Variants in LUZP2 observed in about 807,000 individuals in gnomAD.
LUZP2 encodes leucine zipper protein 2.
LUZP2 carries 52 observed loss-of-function variants against 51.6 expected under a neutral mutation model. The observed-to-expected ratio is 1.01, with a 90% CI of 0.81 to 1.27. The LOEUF (loss-of-function observed/expected upper bound fraction) is 1.27. Ranked by LOEUF, LUZP2 falls within the 50% of genes most tolerant of loss-of-function variation. The probability of loss-of-function intolerance (pLI) is 0.00; values close to 1 mark genes in which losing one functional copy is unlikely to be tolerated. For missense variants in LUZP2, 436 were observed against 395.4 expected, an observed-to-expected ratio of 1.10 and a Z score of -0.87; for synonymous variants, 154 against 137.3, an observed-to-expected ratio of 1.12 and a Z score of -0.85.
chr11:24,917,455 T>C (rs1853829187), intron 7 of LUZP2, among the ~76,000 whole-genome samples: 1 of 152,214 alleles, frequency 6.6e-6, no homozygotes, highest in African/African-American at 2.4e-5. Context: ...TTCTAGGATT[T>C]TTATGGTTTT....
chr11:24,544,086 A>C (rs930562667), intron 1 of LUZP2, among the ~76,000 whole-genome samples: 2 of 151,918 alleles, frequency 1.3e-5, no homozygotes, highest in African/African-American at 2.4e-5. Flanking sequence ...TGCCTTTAAA[A>C]TATCATTCCA....
chr11:24,573,967 G>A (rs61877886), intron 1 of LUZP2, among the ~76,000 whole-genome samples: 87,668 of 151,206 alleles, frequency 0.58, 26,102 homozygotes, highest in East Asian at 0.8. Context: ...CCATGTTGGT[G>A]TGCTGCACCC....
rs551899253 is a variant in LUZP2 at position 24,891,568 on chromosome 11, T to A, written c.397-14423T>A. On this transcript the variant is annotated intron_variant, in intron 5 of 11. Coordinates refer to ENST00000336930, the MANE Select transcript of LUZP2 (RefSeq NM_001009909.4). ...AAGAAAAGAAAGTTCACATATGTTG[T>A]TGATTGAAGAAAAAGAAGTTCCAGA... is the stretch of plus-strand genomic sequence containing the variant. 1.6e-4 allele frequency: 147 copies of A among 910,614 alleles called. No individual in the cohort carries two copies. In the African/African-American group the frequency reaches 2.2e-3, roughly 14 times the overall value. The allele number at this position is 910,614 out of a possible 1,614,324, so 56.4% of individuals were successfully genotyped here.
intron 6 of LUZP2, among the ~76,000 whole-genome samples, chr11:24,912,383 G>T (rs1009482009): frequency 5.9e-5 from 9 of 151,850 alleles, no homozygotes; most frequent in African/African-American, 2.2e-4. Flanking sequence ...ACCTTGTAGT[G>T]GTGCATCATT....
chr11:24,614,340 T>A (rs1212196792), intron 1 of LUZP2, among the ~76,000 whole-genome samples: 2 of 152,002 alleles, frequency 1.3e-5, no homozygotes, highest in Admixed American at 1.3e-4. Flanking sequence ...TATAACCATC[T>A]TTTTCTGAAC....
chr11:24,716,580 A>G (rs1413425533), intron 1 of LUZP2, among the ~76,000 whole-genome samples: 1 of 152,150 alleles, frequency 6.6e-6, no homozygotes, highest in African/African-American at 2.4e-5. Context: ...CAAACAAGGA[A>G]AGTGTAAACA....
chr11:24,653,221 G>A (rs1855688466), intron 1 of LUZP2, among the ~76,000 whole-genome samples: 1 of 152,196 alleles, frequency 6.6e-6, no homozygotes, highest in Admixed American at 6.5e-5. Context: ...CATGGTGGTA[G>A]CAGGGGATAT....
At chr11:24,778,608 A>C in intron 5 of LUZP2, among the ~76,000 whole-genome samples, 1 of 152,164 alleles carries the variant, frequency 6.6e-6, no homozygotes, top group East Asian at 1.9e-4. Flanking sequence ...AAGAAAGGAT[A>C]AAAGCATGTA....
intron 5 of LUZP2, among the ~76,000 whole-genome samples, chr11:24,875,746 A>G (rs891767050): frequency 6.6e-6 from 1 of 152,084 alleles, no homozygotes; most frequent in African/African-American, 2.4e-5. Flanking sequence ...CTATTTCTCC[A>G]AATCCTCTCC....
intron 1 of LUZP2, among the ~76,000 whole-genome samples, chr11:24,568,690 G>T (rs549389620): frequency 6.6e-6 from 1 of 151,806 alleles, no homozygotes. Context: ...TTACAAATAG[G>T]TTTTATTCTA....
At chr11:24,753,266 A>G (rs982717110) in intron 4 of LUZP2, among the ~76,000 whole-genome samples, 1 of 152,198 alleles carries the variant, frequency 6.6e-6, no homozygotes, top group Non-Finnish European at 1.5e-5. Context: ...ATACAGAGGA[A>G]GAGATGACTA....
At chr11:24,705,049 A>T (rs897117263) in intron 1 of LUZP2, among the ~76,000 whole-genome samples, 1 of 152,142 alleles carries the variant, frequency 6.6e-6, no homozygotes, top group Admixed American at 6.6e-5. Flanking sequence ...AAAAGCTCTC[A>T]GTATACATCC....
At chr11:24,857,563 CTT>C (rs200241186) in intron 5 of LUZP2, among the ~76,000 whole-genome samples, 15 of 145,844 alleles carry the variant, frequency 1.0e-4, no homozygotes, top group African/African-American at 2.3e-4. Flanking sequence ...CAAAATAGGT[CTT>C]TTTTTTTTTT....
intron 1 of LUZP2, among the ~76,000 whole-genome samples, chr11:24,669,186 T>G (rs1856318116): frequency 1.3e-5 from 2 of 152,140 alleles, no homozygotes; most frequent in South Asian, 4.1e-4. Context: ...TCAGTAAAAT[T>G]AGAAAATTAG....
At chr11:25,016,836 T>A (rs976932493) in intron 9 of LUZP2, among the ~76,000 whole-genome samples, 1 of 152,172 alleles carries the variant, frequency 6.6e-6, no homozygotes, top group Non-Finnish European at 1.5e-5. Flanking sequence ...TTTTAGTTTT[T>A]TGAGAAATCG....
chr11:24,587,419 G>A (rs990897497), intron 1 of LUZP2, among the ~76,000 whole-genome samples: 2 of 152,092 alleles, frequency 1.3e-5, no homozygotes, highest in South Asian at 2.1e-4. Flanking sequence ...AGATGGGGGA[G>A]GGGTCAAGAA....
At chr11:24,841,761 G>C (rs116376319) in intron 5 of LUZP2, among the ~76,000 whole-genome samples, 1 of 152,062 alleles carries the variant, frequency 6.6e-6, no homozygotes, top group Non-Finnish European at 1.5e-5. Context: ...GGCCCTAGCA[G>C]GTTAGAGTTG....
At chr11:25,054,026 A>G (rs1171728343) in intron 10 of LUZP2, among the ~76,000 whole-genome samples, 1 of 152,138 alleles carries the variant, frequency 6.6e-6, no homozygotes, top group African/African-American at 2.4e-5. Context: ...ATGCTAGTCC[A>G]TATTCGGCCT....
chr11:24,534,576 T>C (rs1041093568), intron 1 of LUZP2, among the ~76,000 whole-genome samples: 1 of 151,350 alleles, frequency 6.6e-6, no homozygotes, highest in African/African-American at 2.4e-5. Context: ...TAAACACATT[T>C]AAAAGGATAA....
Sources: gnomAD v4.1 joint callset for allele counts (sites outside exome capture counted in the v4.1 genomes callset) on GRCh38, gnomAD v4.1.1 for gene constraint, MANE v1.5 for transcripts, NCBI Gene and HGNC (gene_info 2026-07-23, HGNC 2026-07-21) for gene names.